Variants in AGXT2 observed in about 807,000 individuals in gnomAD.
AGXT2 encodes alanine--glyoxylate aminotransferase 2, also known as alanine--glyoxylate aminotransferase 2, mitochondrial.
AGXT2 carries 61 observed loss-of-function variants against 62.5 expected under a neutral mutation model. That is an observed-to-expected ratio of 0.98 (90% CI 0.79 to 1.21). The LOEUF (loss-of-function observed/expected upper bound fraction) is 1.21. Ranked by LOEUF, AGXT2 falls within the 50% of genes most tolerant of loss-of-function variation. The pLI is 0.00. For missense variants in AGXT2, 666 were observed against 641.5 expected, an observed-to-expected ratio of 1.04 and a Z score of -0.41; for synonymous variants, 243 against 218.7, an observed-to-expected ratio of 1.11 and a Z score of -0.98.
rs1174069494 is a variant in AGXT2, at chr5:35,047,745, C to CTTGA, written c.88+59_88+60insTCAA. On this transcript the variant is annotated intron_variant, in intron 1 of 13. Coordinates refer to ENST00000231420, the MANE Select transcript of AGXT2 (RefSeq NM_031900.4). ...GAATCCCAGGCAGCAGCCTTCGGAG[C>CTTGA]TCAAGTCTTACCCTCTCGCTGATCC... is the stretch of plus-strand genomic sequence containing the variant. 6 of 1,593,794 alleles carry CTTGA rather than the reference C, an allele frequency of 3.8e-6. No individual in the cohort carries two copies. In the African/African-American group the frequency reaches 6.7e-5, roughly 18 times the overall value.
chr5:35,032,230 C>CT (rs1767589669), intron 7 of AGXT2, among the ~76,000 whole-genome samples: 1 of 151,666 alleles, frequency 6.6e-6, no homozygotes, highest in Non-Finnish European at 1.5e-5. Context: ...GGGATTATAG[C>CT]TGTCAGCCAC....
chr5:35,014,492 TG>T (rs1766774328), intron 9 of AGXT2, among the ~76,000 whole-genome samples: 1 of 151,272 alleles, frequency 6.6e-6, no homozygotes, highest in South Asian at 2.1e-4. Flanking sequence ...TTTTCTTCTC[TG>T]TTCTCTTCCC....
intron 7 of AGXT2, among the ~76,000 whole-genome samples, chr5:35,031,469 G>A (rs1767555890): frequency 6.6e-6 from 1 of 152,124 alleles, no homozygotes; most frequent in Non-Finnish European, 1.5e-5. Context: ...TCAACCCAGT[G>A]ATTCATACTA....
At position 35,039,449 on chromosome 5, in the gene AGXT2, C is replaced by G; in HGVS notation, c.237G>C (p.Thr79=). 7 of 1,614,070 alleles carry G rather than the reference C, an allele frequency of 4.3e-6. No homozygotes were observed. Among genetic ancestry groups the G allele is most frequent in the Non-Finnish European group, 5.9e-6 (7 of 1,179,972 alleles). The part of the protein sequence containing the change: ...IHKEHLSPVV[T]AYFQKPLLLH... ...GCAGCAGGGGTTTCTGGAAATATGC[C>G]GTCACCACAGGAGAAAGATGTTCCT... The change falls in exon 3 of 14, where the codon ACG becomes ACC. Residue 79 remains threonine, a synonymous_variant. Transcript: ENST00000231420.
intron 7 of AGXT2, chr5:35,026,792 A>G: frequency 1.0e-6 from 1 of 962,150 alleles, no homozygotes; most frequent in Non-Finnish European, 1.2e-6. Flanking sequence ...GAAACGTCCC[A>G]AAGTGTCATT....
chr5:35,044,191 G>A (rs1768096868), intron 1 of AGXT2, among the ~76,000 whole-genome samples: 1 of 152,210 alleles, frequency 6.6e-6, no homozygotes, highest in Non-Finnish European at 1.5e-5. Flanking sequence ...CACTGATATT[G>A]ACGTTTGAGA....
At chr5:35,023,119 T>C (rs1409333631) in intron 9 of AGXT2, among the ~76,000 whole-genome samples, 1 of 150,298 alleles carries the variant, frequency 6.7e-6, no homozygotes, top group Non-Finnish European at 1.5e-5. Context: ...ACATATTCTT[T>C]GTCTTATTTG....
intron 5 of AGXT2, 60 bp downstream of exon 5, chr5:35,035,162 C>T (rs1418242031): frequency 7.3e-7 from 1 of 1,368,830 alleles, no homozygotes; most frequent in African/African-American, 1.4e-5. Context: ...TGTAAAGCTA[C>T]ACATTTAGAA....
At chr5:35,011,458 T>TAAAA (rs11358241) in intron 11 of AGXT2, among the ~76,000 whole-genome samples, 1 of 119,784 alleles carries the variant, frequency 8.3e-6, no homozygotes. Flanking sequence ...AGACTCTTTC[T>TAAAA]AAAAAAAAAA....
rs1425924006 is a variant in AGXT2 at position 35,003,746 on chromosome 5, A to G, written c.1437+17T>C. 2 of 1,607,272 alleles carry G rather than the reference A, an allele frequency of 1.2e-6. No homozygotes were observed. The highest frequency in any genetic ancestry group is 8.5e-7 in the Non-Finnish European group (1 of 1,173,894). Reference sequence around the variant, plus strand: ...CTCCTACCTAGAGCGATAGGTAAAAACCAGTCTTTCTCTTACCTGAGAAAA... The same window carrying G: ...CTCCTACCTAGAGCGATAGGTAAAAGCCAGTCTTTCTCTTACCTGAGAAAA... On this transcript the variant is annotated intron_variant, in intron 13 of 13. Coordinates refer to ENST00000231420, the MANE Select transcript of AGXT2 (RefSeq NM_031900.4).
At chr5:35,014,208 C>A (rs530757989) in intron 9 of AGXT2, 89 bp from the exon 10 acceptor site, 1 of 1,558,228 alleles carries the variant, frequency 6.4e-7, no homozygotes, top group African/African-American at 1.4e-5. Flanking sequence ...AATCCCAGCA[C>A]TTTAGGAGGC....
At chr5:35,037,764 C>G (rs1213535973) in intron 3 of AGXT2, among the ~76,000 whole-genome samples, 5 of 152,142 alleles carry the variant, frequency 3.3e-5, no homozygotes, top group Admixed American at 3.3e-4. Context: ...TGAGTCTGAA[C>G]AGTGGTTAGT....
intron 7 of AGXT2, among the ~76,000 whole-genome samples, chr5:35,030,104 C>G (rs1767505496): frequency 6.6e-6 from 1 of 152,202 alleles, no homozygotes; most frequent in African/African-American, 2.4e-5. Flanking sequence ...CAGCAAAGAC[C>G]AAACCCTTCC....
In AGXT2 at chr5:34,998,550, G is replaced by A; in HGVS notation, c.*169C>T. On this transcript the variant is annotated 3_prime_UTR_variant, in exon 14 of 14. Coordinates refer to ENST00000231420, the MANE Select transcript of AGXT2 (RefSeq NM_031900.4). ...AGAATGGAGTTCTCAAGATAAGAGG[G>A]GCTCTGCTAACAAATATGGTTGGTA... is the stretch of plus-strand genomic sequence containing the variant. The A allele has an allele frequency of 1.6e-6, 1 of 639,262 alleles. No individual in the cohort carries two copies. The highest frequency in any genetic ancestry group is 2.8e-6 in the Non-Finnish European group (1 of 360,236). The allele number at this position is 639,262 out of a possible 1,614,324, so 39.6% of individuals were successfully genotyped here. A position where few individuals can be genotyped will look rare whatever the true frequency, so the allele number is the denominator to read the frequency against.
intron 9 of AGXT2, among the ~76,000 whole-genome samples, chr5:35,024,136 G>A (rs1767231924): frequency 6.6e-6 from 1 of 152,060 alleles, no homozygotes; most frequent in African/African-American, 2.4e-5. Flanking sequence ...CAAGTGACCG[G>A]CCTGCCTCAG....
In AGXT2 at chr5:35,026,515, A is replaced by G. The variant is rs1328152548; in HGVS notation, c.770-5T>C. The G allele has an allele frequency of 1.2e-6, 2 of 1,612,878 alleles. No individual in the cohort carries two copies. Among genetic ancestry groups the G allele is most frequent in the Non-Finnish European group, 1.7e-6 (2 of 1,178,902 alleles). ...GATCTTTAGCTTGGCAGCAGTCTGC[A>G]AAAAGCAAACAACAAAACAAAACAA... On this transcript the variant is annotated splice_region_variant and splice_polypyrimidine_tract_variant and intron_variant, in intron 7 of 13. Coordinates refer to ENST00000231420, the MANE Select transcript of AGXT2 (RefSeq NM_031900.4).
At chr5:35,045,292 C>T (rs1380948780) in intron 1 of AGXT2, among the ~76,000 whole-genome samples, 1 of 152,124 alleles carries the variant, frequency 6.6e-6, no homozygotes, top group Non-Finnish European at 1.5e-5. Context: ...TATAAAACAA[C>T]ACTTAAAACG....
intron 4 of AGXT2, 37 bp downstream of exon 4, chr5:35,036,894 TTTTTTTTTCCC>T (rs1767787934): frequency 6.3e-7 from 1 of 1,599,760 alleles, no homozygotes; most frequent in Admixed American, 1.7e-5. Flanking sequence ...GCATCATACC[TTTTTTTTTCCC>T]CCATAACATT....
At chr5:35,020,523 AC>A (rs764226707) in intron 9 of AGXT2, among the ~76,000 whole-genome samples, 45 of 152,086 alleles carry the variant, frequency 3.0e-4, no homozygotes, top group Non-Finnish European at 3.5e-4. Context: ...AAATTCAACA[AC>A]CCTTCATGCT....
Sources: allele counts gnomAD v4.1 joint callset (sites outside exome capture counted in the v4.1 genomes callset), GRCh38; gene constraint gnomAD v4.1.1; transcripts MANE v1.5; gene names NCBI Gene and HGNC (gene_info 2026-07-23, HGNC 2026-07-21).